OXSR1: variants seen among roughly 807,000 people sequenced by gnomAD.
OXSR1 encodes serine/threonine-protein kinase OSR1.
A neutral mutation model predicts 79.8 loss-of-function variants in OXSR1; 24 were observed. The observed-to-expected ratio is 0.30, with a 90% confidence interval of 0.22 to 0.42. The LOEUF (loss-of-function observed/expected upper bound fraction) is 0.42, where lower values mean the gene tolerates loss of function less well. Ranked by LOEUF, OXSR1 falls within the 10% of genes least tolerant of loss-of-function variation. The pLI is 1.00. For synonymous variants in OXSR1, 226 were observed against 209.2 expected (o/e 1.08, Z -0.69); for missense variants, 430 against 618.4 (o/e 0.70, Z 3.23).
chr3:38,223,443 C>CTT (rs1180070844), intron 6 of OXSR1, among the ~76,000 whole-genome samples: 5 of 137,108 alleles, frequency 3.6e-5, no homozygotes, highest in Non-Finnish European at 4.8e-5. Flanking sequence ...CAGAAGCTAA[C>CTT]TTTTTTTTTT....
chr3:38,198,598 T>G (rs1022006841), intron 3 of OXSR1, 124 bp from the exon 4 acceptor site: 22 of 612,364 alleles, frequency 3.6e-5, no homozygotes, highest in Non-Finnish European at 6.0e-5. Flanking sequence ...TCATATTTGC[T>G]GTTTTTTTCA....
chr3:38,235,895 T>G, intron 10 of OXSR1, among the ~76,000 whole-genome samples: 1 of 152,234 alleles, frequency 6.6e-6, no homozygotes, highest in Middle Eastern at 3.2e-3. Flanking sequence ...AGAAGTCATG[T>G]GATCCAGGAC....
chr3:38,222,440 G>A (rs978849792), intron 6 of OXSR1, among the ~76,000 whole-genome samples: 3 of 152,226 alleles, frequency 2.0e-5, no homozygotes, highest in African/African-American at 7.2e-5. Context: ...GTACCTGGTC[G>A]TTTGATAAGG....
At chr3:38,184,052 T>G (rs547609856) in intron 2 of OXSR1, among the ~76,000 whole-genome samples, 1 of 152,308 alleles carries the variant, frequency 6.6e-6, no homozygotes, top group African/African-American at 2.4e-5. Context: ...AAGTAATTTC[T>G]TTAAGAGCAT....
chr3:38,187,947 A>AT (rs1449793986), intron 2 of OXSR1, among the ~76,000 whole-genome samples: 1 of 152,140 alleles, frequency 6.6e-6, no homozygotes, highest in Non-Finnish European at 1.5e-5. Flanking sequence ...GTCAGTATTC[A>AT]TATACCACTC....
At chr3:38,176,660 G>C (rs545485097) in intron 1 of OXSR1, among the ~76,000 whole-genome samples, 1 of 152,198 alleles carries the variant, frequency 6.6e-6, no homozygotes, top group East Asian at 1.9e-4. Flanking sequence ...GGAAACATTA[G>C]CATCTTGTCA....
chr3:38,189,445 C>T (rs1038972375), intron 2 of OXSR1, among the ~76,000 whole-genome samples: 5 of 152,092 alleles, frequency 3.3e-5, no homozygotes, highest in African/African-American at 1.2e-4. Flanking sequence ...TACAGAAGAC[C>T]GTGCTGGTGA....
intron 2 of OXSR1, 22 bp from the exon 3 acceptor site, chr3:38,190,709 T>C (rs1333349305): frequency 3.1e-6 from 4 of 1,299,302 alleles, no homozygotes; most frequent in Non-Finnish European, 4.5e-6. Flanking sequence ...TAATGAATTA[T>C]TATGTTTTCT....
At chr3:38,189,369 A>G (rs528236148) in intron 2 of OXSR1, among the ~76,000 whole-genome samples, 1 of 152,138 alleles carries the variant, frequency 6.6e-6, no homozygotes, top group South Asian at 2.1e-4. Context: ...CTGTATAACT[A>G]TGTTAGTAGC....
At chr3:38,243,096 G>A (rs1031957291) in intron 12 of OXSR1, among the ~76,000 whole-genome samples, 3 of 151,862 alleles carry the variant, frequency 2.0e-5, no homozygotes, top group South Asian at 2.1e-4. Flanking sequence ...GCAGTGGTGT[G>A]ATCACGGCTC....
rs796611890 is a variant in OXSR1, at chr3:38,208,444, G to A, written c.435-7652G>A. Reference sequence around the variant, plus strand: ...CTTAGAGTTTATACATTATTCATTAGAGTCAGTTGTTCTCATTCATCCTCA... The same window carrying A: ...CTTAGAGTTTATACATTATTCATTAAAGTCAGTTGTTCTCATTCATCCTCA... On this transcript the variant is annotated intron_variant, in intron 4 of 17. Coordinates refer to ENST00000311806, the MANE Select transcript of OXSR1 (RefSeq NM_005109.3). Among the ~76,000 whole-genome samples, 7 of 152,250 alleles carry A rather than the reference G, an allele frequency of 4.6e-5. No individual in the cohort carries two copies. In the South Asian group the frequency reaches 1.5e-3, roughly 32 times the overall value.
intron 4 of OXSR1, among the ~76,000 whole-genome samples, chr3:38,210,335 T>C (rs972855383): frequency 6.6e-6 from 1 of 152,094 alleles, no homozygotes; most frequent in African/African-American, 2.4e-5. Context: ...TTCCCGTAGA[T>C]GGGTTAGGTT....
intron 10 of OXSR1, among the ~76,000 whole-genome samples, chr3:38,235,165 A>G: frequency 6.6e-6 from 1 of 152,182 alleles, no homozygotes; most frequent in African/African-American, 2.4e-5. Flanking sequence ...ATTTGATGGT[A>G]GTGATGGTTG....
In OXSR1 at chr3:38,165,625, C is replaced by T. The variant is rs1701428243; in HGVS notation, c.-252C>T. 2 of 479,020 alleles carry T rather than the reference C, an allele frequency of 4.2e-6. No homozygotes were observed. The highest frequency in any genetic ancestry group is 5.6e-5 in the South Asian group (2 of 35,524). The allele number at this position is 479,020 out of a possible 1,614,324, so 29.7% of individuals were successfully genotyped here. On this transcript the variant is annotated 5_prime_UTR_variant, in exon 1 of 18. Coordinates refer to ENST00000311806, the MANE Select transcript of OXSR1 (RefSeq NM_005109.3). Reference sequence around the variant, plus strand: ...TCGCTGCTGCTGCGGAGGCCGAGGACAGGACGTGGGCTGGGCCGGGCAGTG... The same window carrying T: ...TCGCTGCTGCTGCGGAGGCCGAGGATAGGACGTGGGCTGGGCCGGGCAGTG...
intron 6 of OXSR1, among the ~76,000 whole-genome samples, chr3:38,222,816 A>G (rs989076126): frequency 9.2e-5 from 14 of 152,170 alleles, no homozygotes; most frequent in African/African-American, 3.1e-4. Flanking sequence ...ACCCCACTAC[A>G]AAACATTTTG....
chr3:38,180,072 T>C (rs1220961774), intron 1 of OXSR1, among the ~76,000 whole-genome samples: 5 of 152,162 alleles, frequency 3.3e-5, no homozygotes, highest in Non-Finnish European at 7.4e-5. Context: ...CTTCCCAAAG[T>C]GTTGGGATTA....
chr3:38,204,077 C>G (rs141894798), intron 4 of OXSR1, among the ~76,000 whole-genome samples: 63 of 152,298 alleles, frequency 4.1e-4, no homozygotes, highest in Non-Finnish European at 6.9e-4. Context: ...TCTTCCCCCC[C>G]CTTTCCACAA....
At chr3:38,229,055 T>C (rs1174878346) in intron 8 of OXSR1, among the ~76,000 whole-genome samples, 1 of 152,220 alleles carries the variant, frequency 6.6e-6, no homozygotes, top group Non-Finnish European at 1.5e-5. Flanking sequence ...ATGATACTCT[T>C]TTAAAAGCTT....
intron 5 of OXSR1, among the ~76,000 whole-genome samples, chr3:38,217,442 A>C (rs561653652): frequency 6.6e-6 from 1 of 152,284 alleles, no homozygotes; most frequent in Admixed American, 6.5e-5. Flanking sequence ...TAGTCATTAC[A>C]AGTTTGAAAT....
Sources: allele counts gnomAD v4.1 joint callset (sites outside exome capture counted in the v4.1 genomes callset), GRCh38; gene constraint gnomAD v4.1.1; transcripts MANE v1.5; gene names NCBI Gene and HGNC (gene_info 2026-07-23, HGNC 2026-07-21).